Variants in BTBD9 observed in about 807,000 individuals in gnomAD.
BTBD9 encodes BTB/POZ domain-containing protein 9.
In BTBD9, 49 loss-of-function variants were observed where a neutral mutation model predicts 64.3. That is an observed-to-expected ratio of 0.76 (90% CI 0.61 to 0.97). BTBD9 has a LOEUF of 0.97. Ranked by LOEUF, BTBD9 falls within the 50% of genes least tolerant of loss-of-function variation. The pLI is 0.00. For synonymous variants in BTBD9, 260 were observed against 274.7 expected (o/e 0.95, Z 0.53); for missense variants, 598 against 762.1 (o/e 0.78, Z 2.53).
intron 6 of BTBD9, among the ~76,000 whole-genome samples, chr6:38,513,997 C>T (rs1269791475): frequency 6.6e-6 from 1 of 152,156 alleles, no homozygotes; most frequent in Non-Finnish European, 1.5e-5. Flanking sequence ...GCTACATATG[C>T]TCTAGCTTTC....
chr6:38,554,855 G>A (rs75818318), intron 6 of BTBD9, among the ~76,000 whole-genome samples: 6 of 152,334 alleles, frequency 3.9e-5, no homozygotes, highest in South Asian at 4.1e-4. Flanking sequence ...CTGTTGCAGC[G>A]GAGCCTGCCA....
At chr6:38,312,977 T>C (rs1042752740) in intron 7 of BTBD9, among the ~76,000 whole-genome samples, 1 of 152,256 alleles carries the variant, frequency 6.6e-6, no homozygotes, top group South Asian at 2.1e-4. Flanking sequence ...TTGAATTGAA[T>C]GTGTAGACTG....
At chr6:38,231,041 C>G (rs1324789737) in intron 9 of BTBD9, among the ~76,000 whole-genome samples, 1 of 152,094 alleles carries the variant, frequency 6.6e-6, no homozygotes, top group East Asian at 1.9e-4. Flanking sequence ...CATAAGTGCT[C>G]AATTATTATT....
intron 6 of BTBD9, among the ~76,000 whole-genome samples, chr6:38,442,584 C>T (rs1423204651): frequency 6.6e-6 from 1 of 151,776 alleles, no homozygotes; most frequent in Non-Finnish European, 1.5e-5. Flanking sequence ...TTCACCCAGT[C>T]CACACTGTTT....
At chr6:38,291,550 AG>A (rs1329914810) in intron 7 of BTBD9, among the ~76,000 whole-genome samples, 4 of 152,128 alleles carry the variant, frequency 2.6e-5, no homozygotes, top group African/African-American at 9.7e-5. Flanking sequence ...GAGTGGTGAG[AG>A]GGCATCCTTG....
chr6:38,346,831 GC>G (rs1334108351), intron 6 of BTBD9, among the ~76,000 whole-genome samples: 2 of 152,104 alleles, frequency 1.3e-5, no homozygotes, highest in Non-Finnish European at 2.9e-5. Context: ...ACTACATATG[GC>G]TGTGTCAGCC....
At chr6:38,410,489 A>C (rs561450770) in intron 6 of BTBD9, among the ~76,000 whole-genome samples, 29 of 152,324 alleles carry the variant, frequency 1.9e-4, no homozygotes, top group South Asian at 4.1e-4. Flanking sequence ...AACAAACAAA[A>C]AAAAGAATAA....
chr6:38,254,848 T>A (rs145805983), intron 9 of BTBD9, among the ~76,000 whole-genome samples: 1 of 152,202 alleles, frequency 6.6e-6, no homozygotes, highest in Non-Finnish European at 1.5e-5. Flanking sequence ...GTGAAAAATT[T>A]TGGCAGTTCC....
intron 7 of BTBD9, among the ~76,000 whole-genome samples, chr6:38,333,344 G>C (rs534165364): frequency 6.6e-6 from 1 of 152,190 alleles, no homozygotes; most frequent in Non-Finnish European, 1.5e-5. Context: ...AAATGTGCAA[G>C]TATTACGAAG....
chr6:38,395,913 G>A (rs1766648378), intron 6 of BTBD9, among the ~76,000 whole-genome samples: 1 of 152,124 alleles, frequency 6.6e-6, no homozygotes, highest in African/African-American at 2.4e-5. Context: ...GTTTCACCAT[G>A]TTAGCCAGGA....
At position 38,481,116 on chromosome 6, in the gene BTBD9, GGTTT is replaced by G. The variant is rs1315403873; in HGVS notation, c.1154+96480_1154+96483del. Among the ~76,000 whole-genome samples the G allele has an allele frequency of 7.0e-3, 1,065 of 152,280 alleles. 11 individuals are homozygous for G. Among genetic ancestry groups the G allele is most frequent in the African/African-American group, 0.023 (962 of 41,540 alleles). ...TGAGTAGGGAGAGGCAAAACAGAAAGGTTTATTCTAACGTGAGAGGAGCCCATGA... is the reference window on the plus strand; with the variant it reads ...TGAGTAGGGAGAGGCAAAACAGAAAGATTCTAACGTGAGAGGAGCCCATGA... On this transcript the variant is annotated intron_variant, in intron 6 of 10. Coordinates refer to ENST00000481247, the MANE Select transcript of BTBD9 (RefSeq NM_001099272.2).
rs1428828351 is a variant in BTBD9, at chr6:38,175,001, T to C, written c.1823A>G (p.Asn608Ser). ...CTGCCTCCTTTATTGGTGCTGCCGGTTGGGGGAGCGTGAGTTGGAGCCTGG... is the reference window on the plus strand; with the variant it reads ...CTGCCTCCTTTATTGGTGCTGCCGGCTGGGGGAGCGTGAGTTGGAGCCTGG... ...SSPGSNSRSP[N>S]RQHQ Residue 608 changes from asparagine to serine, a missense_variant, in exon 11 of 11, where the codon AAC becomes AGC. Asn to Ser is a conservative substitution (Grantham distance 46, BLOSUM62 1). Coordinates refer to ENST00000481247, the MANE Select transcript of BTBD9 (RefSeq NM_001099272.2). The C allele has an allele frequency of 6.2e-7, 1 of 1,613,972 alleles. No individual in the cohort carries two copies. The highest frequency in any genetic ancestry group is 8.5e-7 in the Non-Finnish European group (1 of 1,180,022).
chr6:38,340,256 T>C (rs146377813), intron 7 of BTBD9, among the ~76,000 whole-genome samples: 2 of 152,178 alleles, frequency 1.3e-5, no homozygotes, highest in East Asian at 3.9e-4. Context: ...AAAGATCATC[T>C]ACAGTATCTA....
rs996233906 is a variant in BTBD9 at position 38,437,071 on chromosome 6, G to A, written c.1155-91978C>T. On this transcript the variant is annotated intron_variant, in intron 6 of 10. Coordinates refer to ENST00000481247, the MANE Select transcript of BTBD9 (RefSeq NM_001099272.2). The stretch of plus-strand genomic sequence containing the variant: ...CAAAAAGGGCTGGGTTGGTGATAAT[G>A]CATATTAAGCATCTAATTAATACAA... Among the ~76,000 whole-genome samples the A allele has an allele frequency of 3.9e-5, 6 of 152,256 alleles. No homozygotes were observed. In the East Asian group the frequency reaches 1.2e-3, roughly 29 times the overall value.
intron 6 of BTBD9, among the ~76,000 whole-genome samples, chr6:38,485,896 TAGG>T (rs892970127): frequency 6.6e-6 from 1 of 152,208 alleles, no homozygotes; most frequent in Non-Finnish European, 1.5e-5. Flanking sequence ...CTTCTTCCAA[TAGG>T]AGGCTATTTC....
At chr6:38,525,928 T>C (rs985134200) in intron 6 of BTBD9, among the ~76,000 whole-genome samples, 1 of 152,114 alleles carries the variant, frequency 6.6e-6, no homozygotes, top group African/African-American at 2.4e-5. Context: ...GTTTGGAAAA[T>C]TTGCAGCCTG....
chr6:38,384,377 T>C (rs1766064848), intron 6 of BTBD9, among the ~76,000 whole-genome samples: 1 of 152,180 alleles, frequency 6.6e-6, no homozygotes, highest in Admixed American at 6.5e-5. Flanking sequence ...TTCAATAAAA[T>C]GGTATTAAAA....
intron 6 of BTBD9, among the ~76,000 whole-genome samples, chr6:38,412,802 T>C (rs1767492049): frequency 6.6e-6 from 1 of 151,896 alleles, no homozygotes; most frequent in African/African-American, 2.4e-5. Context: ...GAGGTTGCAG[T>C]GAGCCGAGAT....
chr6:38,634,026 T>C (rs1298912853), intron 1 of BTBD9, among the ~76,000 whole-genome samples: 5 of 152,200 alleles, frequency 3.3e-5, no homozygotes, highest in African/African-American at 9.7e-5. Context: ...ATTATTGTTT[T>C]CTCTATGCCC....
Sources: gnomAD v4.1 joint callset for allele counts (sites outside exome capture counted in the v4.1 genomes callset) on GRCh38, gnomAD v4.1.1 for gene constraint, MANE v1.5 for transcripts, NCBI Gene and HGNC (gene_info 2026-07-23, HGNC 2026-07-21) for gene names.